SUPT5H: variants seen among roughly 807,000 people sequenced by gnomAD.
The protein encoded by SUPT5H is SPT5 homolog, DSIF elongation factor subunit, also known as transcription elongation factor SPT5.
In SUPT5H, 24 loss-of-function variants were observed where a neutral mutation model predicts 142.5. That is an observed-to-expected ratio of 0.17 (90% confidence interval 0.12 to 0.24). SUPT5H has a LOEUF of 0.24. Ranked by LOEUF, SUPT5H falls within the 10% of genes least tolerant of loss-of-function variation. The probability of loss-of-function intolerance (pLI) is 1.00; values close to 1 mark genes in which losing one functional copy is unlikely to be tolerated. For missense variants in SUPT5H, 893 were observed against 1,471.8 expected (o/e 0.61, Z 6.43); for synonymous variants, 546 against 553.0 (o/e 0.99, Z 0.18).
At chr19:39,455,000 A>G (rs1359394114) in intron 3 of SUPT5H, among the ~76,000 whole-genome samples, 1 of 152,222 alleles carries the variant, frequency 6.6e-6, no homozygotes, top group Non-Finnish European at 1.5e-5. Context: ...AGCATTTAAC[A>G]TGCAGGAACC....
chr19:39,465,212 G>A (rs1407289474), intron 11 of SUPT5H, among the ~76,000 whole-genome samples, 163 bp downstream of exon 11: 2 of 152,242 alleles, frequency 1.3e-5, no homozygotes, highest in Non-Finnish European at 2.9e-5. Context: ...ACGGTTGGCT[G>A]TCTTCTGTGC....
intron 3 of SUPT5H, among the ~76,000 whole-genome samples, chr19:39,456,419 G>T (rs58463306): frequency 0.57 from 83,442 of 145,596 alleles, 24,823 homozygotes; most frequent in African/African-American, 0.73. Context: ...TGTTGTTGTT[G>T]TTGTTGTTGT....
Position 39,445,831 on chromosome 19 carries a change from G to C in SUPT5H, c.-60G>C. On this transcript the variant is annotated 5_prime_UTR_variant, in exon 2 of 30. Coordinates refer to ENST00000432763, the MANE Select transcript of SUPT5H (RefSeq NM_001111020.3). Reference sequence around the variant, plus strand: ...AACCAGCGGGGAAACTGAGGCTCGGGGTGGAGCGCAGGATTGTGGGACGCG... The same window carrying C: ...AACCAGCGGGGAAACTGAGGCTCGGCGTGGAGCGCAGGATTGTGGGACGCG... The C allele has an allele frequency of 6.3e-7, 1 of 1,585,924 alleles. No individual in the cohort carries two copies. The highest frequency in any genetic ancestry group is 1.1e-5 in the South Asian group (1 of 88,844).
intron 2 of SUPT5H, among the ~76,000 whole-genome samples, chr19:39,449,250 A>G (rs1427511598): frequency 6.6e-6 from 1 of 151,860 alleles, no homozygotes; most frequent in South Asian, 2.1e-4. Context: ...CCCTGAGGTG[A>G]GCAGAGAGTG....
chr19:39,449,647 G>GT (rs935822271), intron 2 of SUPT5H, among the ~76,000 whole-genome samples: 222 of 145,324 alleles, frequency 1.5e-3, no homozygotes, highest in East Asian at 1.6e-3. Context: ...GGTTAGTTTG[G>GT]TTTTTTTTTT....
intron 2 of SUPT5H, among the ~76,000 whole-genome samples, chr19:39,452,948 G>C (rs2079038528): frequency 6.6e-6 from 1 of 151,268 alleles, no homozygotes; most frequent in Non-Finnish European, 1.5e-5. Context: ...AGGAGGTGGA[G>C]GTTGCAGTGA....
intron 10 of SUPT5H, among the ~76,000 whole-genome samples, chr19:39,463,231 A>T (rs1415416063): frequency 6.7e-6 from 1 of 149,806 alleles, no homozygotes; most frequent in East Asian, 2.0e-4. Flanking sequence ...TGAACTCCCG[A>T]CCTCAAGTGA....
chr19:39,449,792 A>G (rs1026230943), intron 2 of SUPT5H, among the ~76,000 whole-genome samples: 1 of 151,712 alleles, frequency 6.6e-6, no homozygotes, highest in Non-Finnish European at 1.5e-5. Flanking sequence ...GCGGTGCGCC[A>G]CCACACCTGG....
intron 11 of SUPT5H, 29 bp downstream of exon 11, chr19:39,465,078 A>C: frequency 1.9e-6 from 3 of 1,598,176 alleles, no homozygotes; most frequent in Non-Finnish European, 2.6e-6. Flanking sequence ...CATGGGGGTC[A>C]GGGTCCCTCC....
Position 39,474,903 on chromosome 19 carries a change from A to G in SUPT5H, c.3024+185A>G. 2 of 661,368 alleles carry G rather than the reference A, an allele frequency of 3.0e-6. No homozygotes were observed. Among genetic ancestry groups the G allele is most frequent in the Non-Finnish European group, 5.1e-6 (2 of 390,890 alleles). The allele number at this position is 661,368 out of a possible 1,614,324, so 41.0% of individuals were successfully genotyped here. On this transcript the variant is annotated intron_variant, in intron 28 of 29. Coordinates refer to ENST00000432763, the MANE Select transcript of SUPT5H (RefSeq NM_001111020.3). The surrounding 1 kb of genome is among the most constrained non-coding windows in gnomAD (Gnocchi z 6.5). ...ATCTTACCTGATTTAGCGGGGAATCAGGGAGGGCTGCCTGGGGAAGGAGAA... is the reference window on the plus strand; with the variant it reads ...ATCTTACCTGATTTAGCGGGGAATCGGGGAGGGCTGCCTGGGGAAGGAGAA...
chr19:39,459,743 C>A, intron 9 of SUPT5H, 149 bp from the exon 10 acceptor site: 1 of 1,279,790 alleles, frequency 7.8e-7, no homozygotes, highest in Non-Finnish European at 1.1e-6. Context: ...GACTGGCTAT[C>A]TCCCACCTCC....
intron 28 of SUPT5H, among the ~76,000 whole-genome samples, chr19:39,475,393 C>CAA (rs57598754): frequency 0.19 from 24,643 of 132,754 alleles, 2,602 homozygotes; most frequent in African/African-American, 0.23. Flanking sequence ...CAAGACTCCT[C>CAA]AAAAAAAAAA....
chr19:39,474,410 T>C lies in SUPT5H; in HGVS notation c.2820+8T>C, dbSNP rs1194258432. 46 of 1,612,860 alleles carry C rather than the reference T, an allele frequency of 2.9e-5. No homozygotes were observed. The highest frequency in any genetic ancestry group is 3.9e-5 in the Non-Finnish European group (46 of 1,179,182). On this transcript the variant is annotated splice_region_variant and intron_variant, in intron 27 of 29. Coordinates refer to ENST00000432763, the MANE Select transcript of SUPT5H (RefSeq NM_001111020.3). This position sits in a 1 kb window ranked among gnomAD's most constrained non-coding sequence, Gnocchi z 6.5. ...TCGCCCATGGCCTATCAGGTAATGG[T>C]CTGCCTGCCTGCCCTGAAGGGTGGT... is the stretch of plus-strand genomic sequence containing the variant.
chr19:39,459,676 C>A, intron 9 of SUPT5H, 87 bp downstream of exon 9: 1 of 1,541,820 alleles, frequency 6.5e-7, no homozygotes, highest in African/African-American at 1.4e-5. Flanking sequence ...TGTCCCGGGT[C>A]TCCGTGGCCT....
Position 39,476,164 on chromosome 19 carries a change from C to A in SUPT5H, c.3108C>A (p.Thr1036=). The change falls in exon 29 of 30, where the codon ACC becomes ACA. Residue 1036 remains threonine, a synonymous_variant. Transcript: ENST00000432763. ...SSEHLEPITP[T]KNNKVKVILG... ...AGCACCTGGAGCCTATCACCCCCAC[C>A]AAGAACAACAAGGTAAGGGCAGGGG... is the stretch of plus-strand genomic sequence containing the variant. The A allele has an allele frequency of 6.2e-7, 1 of 1,614,132 alleles. No individual in the cohort carries two copies. Among genetic ancestry groups the A allele is most frequent in the Middle Eastern group, 1.6e-4 (1 of 6,062 alleles).
Position 39,472,855 on chromosome 19 carries a change from T to C in SUPT5H, c.2081T>C (p.Met694Thr). The C allele has an allele frequency of 1.2e-6, 2 of 1,613,704 alleles. No homozygotes were observed. The highest frequency in any genetic ancestry group is 1.7e-6 in the Non-Finnish European group (2 of 1,179,818). The change falls in exon 22 of 30, where the codon ATG (methionine) becomes ACG (threonine). Residue 694 changes from methionine (M) to threonine (T), a missense_variant. By Grantham distance (81) the Met-to-Thr change is moderately conservative. Around this residue, in one of 6 missense-constraint regions of SUPT5H, gnomAD observed 35 missense variants for 29.7 expected, o/e 1.18. Coordinates refer to ENST00000432763, the MANE Select transcript of SUPT5H (RefSeq NM_001111020.3). This position sits in a 1 kb window ranked among gnomAD's most constrained non-coding sequence, Gnocchi z 4.2. ...FGSPGGGSGG[M>T]SRGRGRRDNE... ...AGCCCAGGTGGCGGCAGTGGTGGCA[T>C]GAGCAGGGGCCGGGGCCGGAGGGAC...
rs992096529 is a variant in SUPT5H, at chr19:39,459,080, G to A, written c.458+7G>A. On this transcript the variant is annotated splice_region_variant and intron_variant, in intron 7 of 29. Transcript: ENST00000432763. The stretch of plus-strand genomic sequence containing the variant: ...AGTCATCTGTGGGAGAGACGTAAGG[G>A]CATGGTGGGGGCAGGTGGGGGCAGG... 1.1e-5 allele frequency: 17 copies of A among 1,614,076 alleles called. No individual in the cohort carries two copies. Among genetic ancestry groups the A allele is most frequent in the Non-Finnish European group, 1.4e-5 (16 of 1,180,030 alleles).
Position 39,469,258 on chromosome 19 carries a change from G to T in SUPT5H, c.1238-4G>T, listed in dbSNP as rs376211934. ...CCGAGTCAGCCCTACGACTGCCCCT[G>T]CAGGGAAGGAGCGGGAGCACAACTT... is the stretch of plus-strand genomic sequence containing the variant. On this transcript the variant is annotated splice_polypyrimidine_tract_variant and splice_region_variant and intron_variant, in intron 15 of 29. Transcript: ENST00000432763. This position sits in a 1 kb window ranked among gnomAD's most constrained non-coding sequence, Gnocchi z 5.1. The T allele has an allele frequency of 6.2e-7, 1 of 1,614,220 alleles. No individual in the cohort carries two copies. Among genetic ancestry groups the T allele is most frequent in the Admixed American group, 1.7e-5 (1 of 60,024 alleles).
intron 19 of SUPT5H, 41 bp downstream of exon 19, chr19:39,471,544 T>TC: frequency 6.2e-7 from 1 of 1,613,752 alleles, no homozygotes; most frequent in African/African-American, 1.3e-5. Context: ...TCTGAAAGAA[T>TC]TTGGTTGGTT....
Sources: gnomAD v4.1 joint callset for allele counts (sites outside exome capture counted in the v4.1 genomes callset) on GRCh38, gnomAD v4.1.1 for gene constraint, gnomAD v4.1.1 regional missense constraint, Gnocchi (gnomAD v3.1) non-coding constraint, MANE v1.5 for transcripts, NCBI Gene and HGNC (gene_info 2026-07-23, HGNC 2026-07-21) for gene names.